The following SPAG6 variants were observed in gnomAD, a reference collection of about 807,000 sequenced individuals.
The protein encoded by SPAG6 is sperm associated antigen 6.
In SPAG6, 49 loss-of-function variants were observed where a neutral mutation model predicts 58.5. The ratio of observed to expected loss-of-function variants is 0.84; its 90% CI spans 0.67 to 1.06. The LOEUF is 1.06. Among genes scored for constraint, SPAG6 ranks in the 50% least tolerant of loss-of-function variants. The pLI is 0.00. For synonymous variants in SPAG6, 233 were observed against 225.6 expected (o/e 1.03, Z -0.29); for missense variants, 560 against 611.3 (o/e 0.92, Z 0.89).
intron 2 of SPAG6, among the ~76,000 whole-genome samples, chr10:22,358,661 C>A (rs1161065071): frequency 6.6e-6 from 1 of 151,812 alleles, no homozygotes; most frequent in African/African-American, 2.4e-5. Flanking sequence ...TTGCCCATGC[C>A]TATGTCCTGA....
rs1369930411 is a variant in SPAG6, at chr10:22,368,472, T to A, written c.289-23T>A. The A allele has an allele frequency of 1.9e-6, 3 of 1,597,040 alleles. No homozygotes were observed. The South Asian group carries it at 3.4e-5, about 18-fold the overall frequency. ...TTCTAAGTACTCAATTCATTTTGAG[T>A]TTTGTCTGTTTGACCCTTGTAGCGC... is the stretch of plus-strand genomic sequence containing the variant. On this transcript the variant is annotated intron_variant, in intron 3 of 10. Transcript: ENST00000376624.
intron 4 of SPAG6, among the ~76,000 whole-genome samples, chr10:22,374,264 T>A (rs551649495): frequency 6.6e-6 from 1 of 152,170 alleles, no homozygotes; most frequent in African/African-American, 2.4e-5. Context: ...CTTGAGGCAT[T>A]TATGTCTGTG....
At chr10:22,346,430 GTTC>G (rs71393995) in intron 2 of SPAG6, among the ~76,000 whole-genome samples, 8,139 of 95,882 alleles carry the variant, frequency 0.085, 276 homozygotes, top group Middle Eastern at 0.1. Flanking sequence ...AGAGAAAATG[GTTC>G]TTCTTCTTCT....
intron 2 of SPAG6, chr10:22,359,545 C>T (rs1334270636): frequency 6.6e-6 from 1 of 152,168 alleles, no homozygotes; most frequent in Non-Finnish European, 1.5e-5. Flanking sequence ...AGGTATGAGT[C>T]ACAGCACCCA....
chr10:22,365,075 T>G, intron 3 of SPAG6, 56 bp downstream of exon 3: 1 of 1,365,748 alleles, frequency 7.3e-7, no homozygotes, highest in Non-Finnish European at 9.9e-7. Context: ...TTTAAAAATG[T>G]GACAGTTTGG....
chr10:22,384,150 A>T (rs529862533), intron 4 of SPAG6, among the ~76,000 whole-genome samples: 1 of 152,338 alleles, frequency 6.6e-6, no homozygotes, highest in Non-Finnish European at 1.5e-5. Context: ...CATCCTCAGC[A>T]TATTGGTGAT....
intron 2 of SPAG6, among the ~76,000 whole-genome samples, chr10:22,346,769 C>T (rs1836570511): frequency 6.6e-6 from 1 of 152,094 alleles, no homozygotes; most frequent in South Asian, 2.1e-4. Context: ...TTCGTTTTGT[C>T]ACTAGGATTT....
intron 4 of SPAG6, among the ~76,000 whole-genome samples, chr10:22,370,832 G>A (rs1302103315): frequency 1.3e-5 from 2 of 152,136 alleles, no homozygotes; most frequent in Non-Finnish European, 1.5e-5. Context: ...GTTATCATGG[G>A]AAACTACATG....
chr10:22,365,541 T>C (rs981006213), intron 3 of SPAG6, among the ~76,000 whole-genome samples: 29 of 152,200 alleles, frequency 1.9e-4, no homozygotes, highest in African/African-American at 7.0e-4. Context: ...CCTGTTTTTT[T>C]CCCCCTCCTA....
At chr10:22,414,175 G>A (rs1447970778) in intron 10 of SPAG6, among the ~76,000 whole-genome samples, 1 of 152,076 alleles carries the variant, frequency 6.6e-6, no homozygotes, top group Non-Finnish European at 1.5e-5. Flanking sequence ...TCTAATTTGG[G>A]GAGGGAGACA....
chr10:22,413,926 A>G (rs897426803), intron 10 of SPAG6, among the ~76,000 whole-genome samples: 5 of 152,168 alleles, frequency 3.3e-5, no homozygotes, highest in African/African-American at 7.2e-5. Flanking sequence ...CAGTTTATCA[A>G]CTGATACATT....
At chr10:22,348,093 C>G (rs1056514154) in intron 2 of SPAG6, among the ~76,000 whole-genome samples, 4 of 152,106 alleles carry the variant, frequency 2.6e-5, no homozygotes, top group African/African-American at 9.7e-5. Flanking sequence ...CAGGTTCAAG[C>G]GATTCTCCTG....
In SPAG6 at chr10:22,391,734, A is replaced by T; in HGVS notation, c.1011A>T (p.Val337=). 1.2e-6 allele frequency: 2 copies of T among 1,613,298 alleles called. No individual in the cohort carries two copies. The highest frequency in any genetic ancestry group is 1.7e-6 in the Non-Finnish European group (2 of 1,179,594). The change falls in exon 8 of 11, where the codon GTA becomes GTT. Residue 337 remains valine, a synonymous_variant. Transcript: ENST00000376624. The stretch of plus-strand genomic sequence containing the variant: ...TCTTTTGATCCACGCTGCAGGGTGT[A>T]CCCCAGTTGTCAGTCTGCTTGTCAG... ...LAMAVIISKG[V]PQLSVCLSEE...
intron 2 of SPAG6, among the ~76,000 whole-genome samples, chr10:22,348,118 G>A (rs1240235681): frequency 6.6e-6 from 1 of 152,132 alleles, no homozygotes; most frequent in Non-Finnish European, 1.5e-5. Context: ...AGCCTCCTGA[G>A]TAGCTGAGAC....
intron 4 of SPAG6, among the ~76,000 whole-genome samples, chr10:22,382,059 C>CTG (rs1833969544): frequency 6.6e-6 from 1 of 152,196 alleles, no homozygotes. Flanking sequence ...GAAAATGCAA[C>CTG]TGTGTGAGAA....
intron 8 of SPAG6, among the ~76,000 whole-genome samples, chr10:22,392,219 T>G (rs1292790484): frequency 6.6e-6 from 1 of 152,152 alleles, no homozygotes; most frequent in Admixed American, 6.6e-5. Context: ...ATTTTTTAGT[T>G]TGAATTTGCT....
chr10:22,401,028 T>A (rs940046582), intron 8 of SPAG6, 133 bp from the exon 9 acceptor site: 3 of 597,736 alleles, frequency 5.0e-6, no homozygotes, highest in Non-Finnish European at 5.9e-6. Flanking sequence ...ACAACAATTT[T>A]AAAAAATGAA....
At chr10:22,353,957 G>A (rs914572858) in intron 2 of SPAG6, among the ~76,000 whole-genome samples, 1 of 152,168 alleles carries the variant, frequency 6.6e-6, no homozygotes, top group Admixed American at 6.5e-5. Context: ...TCATGGAAAA[G>A]GCCAATGTTT....
chr10:22,389,338 A>C, intron 7 of SPAG6, 26 bp downstream of exon 7: 5 of 1,602,170 alleles, frequency 3.1e-6, no homozygotes, highest in Non-Finnish European at 4.3e-6. Flanking sequence ...GTTTTCTTCC[A>C]GTTGCAGTAA....
Sources: gnomAD v4.1 joint callset for allele counts (sites outside exome capture counted in the v4.1 genomes callset) on GRCh38, gnomAD v4.1.1 for gene constraint, MANE v1.5 for transcripts, NCBI Gene and HGNC (gene_info 2026-07-23, HGNC 2026-07-21) for gene names.